Variants in RPS6KC1 observed in about 807,000 individuals in gnomAD.
The protein encoded by RPS6KC1 is inactive ribosomal protein S6 kinase delta-1.
Under a neutral mutation model 103.8 loss-of-function variants are expected in RPS6KC1, and 54 were observed. That is an observed-to-expected ratio of 0.52 (90% CI 0.42 to 0.65). RPS6KC1 has a LOEUF of 0.65. Ranked by LOEUF, RPS6KC1 falls within the 30% of genes least tolerant of loss-of-function variation. The pLI is 0.00. For missense variants in RPS6KC1, 1,151 were observed against 1,253.8 expected (o/e 0.92, Z 1.24); for synonymous variants, 439 against 438.7 (o/e 1.00, Z -0.01).
At chr1:213,795,270 A>G in the RPS6KC1 span, among the ~76,000 whole-genome samples, 5 of 152,304 alleles carry the variant, frequency 3.3e-5, no homozygotes, top group South Asian at 8.3e-4. Flanking sequence ...TTTGTTAGAC[A>G]TTCTGGAATA....
chr1:213,653,169 GC>G, the RPS6KC1 span, among the ~76,000 whole-genome samples: 3 of 152,158 alleles, frequency 2.0e-5, no homozygotes, highest in Non-Finnish European at 4.4e-5. Flanking sequence ...AAGAACACTA[GC>G]ATTCTAGTCT....
chr1:213,615,460 G>T, the RPS6KC1 span, among the ~76,000 whole-genome samples: 3 of 152,260 alleles, frequency 2.0e-5, no homozygotes, highest in Non-Finnish European at 2.9e-5. Context: ...AGGAAGGAAG[G>T]CTTGATGAGA....
the RPS6KC1 span, chr1:213,492,248 C>T: frequency 9.2e-5 from 14 of 152,382 alleles, no homozygotes; most frequent in Non-Finnish European, 2.1e-4. Context: ...GGCGTGGATT[C>T]GCAGTTGCGC....
intron 7 of RPS6KC1, among the ~76,000 whole-genome samples, chr1:213,173,355 C>T (rs2091625057): frequency 6.6e-6 from 1 of 152,166 alleles, no homozygotes; most frequent in Non-Finnish European, 1.5e-5. Context: ...TCAATTTCCC[C>T]ATTCCTGTCT....
the RPS6KC1 span, among the ~76,000 whole-genome samples, chr1:213,586,905 G>T: frequency 1.3e-5 from 2 of 152,208 alleles, no homozygotes; most frequent in African/African-American, 4.8e-5. Context: ...GAAGGAAGGT[G>T]TGTGCCAGCC....
the RPS6KC1 span, among the ~76,000 whole-genome samples, chr1:213,295,283 G>A: frequency 3.3e-5 from 5 of 152,230 alleles, no homozygotes; most frequent in African/African-American, 7.2e-5. Flanking sequence ...CCCCTCAGGC[G>A]TAAGACCATG....
At chr1:213,742,580 G>T in the RPS6KC1 span, among the ~76,000 whole-genome samples, 1 of 152,342 alleles carries the variant, frequency 6.6e-6, no homozygotes, top group African/African-American at 2.4e-5. Flanking sequence ...AGAAGGGACA[G>T]CTAGCACTCA....
the RPS6KC1 span, among the ~76,000 whole-genome samples, chr1:213,773,346 A>G: frequency 6.6e-6 from 1 of 151,716 alleles, no homozygotes; most frequent in South Asian, 2.1e-4. Context: ...TCTCAGGAAG[A>G]TGGAGTGGAT....
rs2094365127 is a variant in RPS6KC1 at position 213,241,950 on chromosome 1, T to A, written c.2474T>A (p.Leu825His). ...AGCTTATTCCGTATTTGTAGTCCACTCTCAGGTGCTAATGAATATATTGCA... is the reference window on the plus strand; with the variant it reads ...AGCTTATTCCGTATTTGTAGTCCACACTCAGGTGCTAATGAATATATTGCA... ...EESLFRICSP[L>H]SGANEYIAST... The change falls in exon 11 of 15, where the codon CTC becomes CAC. Residue 825 changes from leucine to histidine, a missense_variant. By Grantham distance (99) the Leu-to-His change is moderately conservative. Coordinates refer to ENST00000366960, the MANE Select transcript of RPS6KC1 (RefSeq NM_012424.6). 1.2e-6 allele frequency: 2 copies of A among 1,613,936 alleles called. No homozygotes were observed. The highest frequency in any genetic ancestry group is 2.7e-5 in the African/African-American group (2 of 74,930).
the RPS6KC1 span, among the ~76,000 whole-genome samples, chr1:213,578,226 G>A: frequency 6.6e-6 from 1 of 152,244 alleles, no homozygotes; most frequent in African/African-American, 2.4e-5. Context: ...ATTGAGGTTT[G>A]GGAACCTCCA....
chr1:213,361,772 T>C, the RPS6KC1 span, among the ~76,000 whole-genome samples: 2 of 152,226 alleles, frequency 1.3e-5, no homozygotes, highest in Admixed American at 1.3e-4. Context: ...TGAGATCTTT[T>C]CTATGATGAC....
chr1:213,361,265 C>T, the RPS6KC1 span, among the ~76,000 whole-genome samples: 2 of 152,238 alleles, frequency 1.3e-5, no homozygotes, highest in Non-Finnish European at 2.9e-5. Flanking sequence ...TGGCAGGCGC[C>T]CTCCCCCAGC....
intron 14 of RPS6KC1, among the ~76,000 whole-genome samples, chr1:213,269,035 A>C (rs948574855): frequency 1.3e-5 from 2 of 152,186 alleles, no homozygotes; most frequent in African/African-American, 4.8e-5. Context: ...TGCCAAACCA[A>C]AGGCAGATTC....
the RPS6KC1 span, among the ~76,000 whole-genome samples, chr1:213,376,031 C>T: frequency 2.0e-5 from 3 of 151,668 alleles, no homozygotes; most frequent in East Asian, 1.9e-4. Context: ...CTGGACCAAT[C>T]AGCTGTGGCC....
intron 8 of RPS6KC1, among the ~76,000 whole-genome samples, chr1:213,216,858 ACACATTTAAAGCAG>A (rs777071448): frequency 1.1e-3 from 160 of 152,336 alleles, no homozygotes; most frequent in Middle Eastern, 3.4e-3. Flanking sequence ...AATCTCTGGG[ACACATTTAAAGCAG>A]TGTGTAGAGG....
chr1:213,282,082 C>T, the RPS6KC1 span, among the ~76,000 whole-genome samples: 1 of 152,188 alleles, frequency 6.6e-6, no homozygotes, highest in African/African-American at 2.4e-5. Flanking sequence ...TATGTGGCAG[C>T]ATCTGGCTTA....
At chr1:213,301,934 C>T in the RPS6KC1 span, among the ~76,000 whole-genome samples, 1 of 152,028 alleles carries the variant, frequency 6.6e-6, no homozygotes, top group African/African-American at 2.4e-5. Context: ...AGGGGTTTCG[C>T]CATCTGGGCC....
chr1:213,152,300 C>T lies in RPS6KC1; in HGVS notation c.836-15558C>T, dbSNP rs1411555170. Among the ~76,000 whole-genome samples, 5 of 147,848 alleles carry T rather than the reference C, an allele frequency of 3.4e-5. No homozygotes were observed. In the East Asian group the frequency reaches 6.2e-4, roughly 18 times the overall value. ...GGGGCTGATCCCCCTACCTCCCTCC[C>T]GGATGGGGCGGCTGGCCGGGCAGGG... On this transcript the variant is annotated intron_variant, in intron 6 of 14. Transcript: ENST00000366960.
At chr1:213,397,827 C>A in the RPS6KC1 span, among the ~76,000 whole-genome samples, 78 of 152,116 alleles carry the variant, frequency 5.1e-4, 1 homozygote, top group Admixed American at 3.9e-3. Flanking sequence ...GAGAGGACAC[C>A]GTTTGGAACG....
Sources: gnomAD v4.1 joint callset for allele counts (sites outside exome capture counted in the v4.1 genomes callset) on GRCh38, gnomAD v4.1.1 for gene constraint, MANE v1.5 for transcripts, NCBI Gene and HGNC (gene_info 2026-07-23, HGNC 2026-07-21) for gene names.